Variants in NRG3 observed in about 807,000 individuals in gnomAD.
NRG3 encodes the protein pro-neuregulin-3, membrane-bound isoform.
Under a neutral mutation model 66.9 loss-of-function variants are expected in NRG3, and 31 were observed. That is an observed-to-expected ratio of 0.46 (90% CI 0.35 to 0.63). NRG3 has a LOEUF of 0.63. NRG3 is among the 20% of genes least tolerant of loss of function. The pLI is 0.00. For synonymous variants in NRG3, 393 were observed against 359.4 expected (o/e 1.09, Z -1.06); for missense variants, 910 against 878.9 (o/e 1.04, Z -0.45).
At chr10:82,721,792 C>T (rs900450052) in intron 2 of NRG3, among the ~76,000 whole-genome samples, 43 of 152,222 alleles carry the variant, frequency 2.8e-4, no homozygotes, top group African/African-American at 9.9e-4. Flanking sequence ...CCCTACGTTG[C>T]CTTCTGTAGC....
chr10:82,461,258 A>T (rs2091499713), intron 2 of NRG3, among the ~76,000 whole-genome samples: 1 of 151,800 alleles, frequency 6.6e-6, no homozygotes, highest in South Asian at 2.1e-4. Flanking sequence ...TGCCACCACC[A>T]CCATCGACAC....
At chr10:82,748,003 G>T (rs1047021423) in intron 3 of NRG3, among the ~76,000 whole-genome samples, 10 of 151,044 alleles carry the variant, frequency 6.6e-5, no homozygotes, top group Admixed American at 4.6e-4. Flanking sequence ...TTTTCCAACA[G>T]AATTTATTCA....
intron 2 of NRG3, among the ~76,000 whole-genome samples, chr10:82,425,638 T>C (rs1314065962): frequency 6.6e-6 from 1 of 152,168 alleles, no homozygotes; most frequent in East Asian, 1.9e-4. Flanking sequence ...GACTTGTAAT[T>C]ATTTTGTTGA....
At chr10:82,711,014 C>T (rs1489489221) in intron 2 of NRG3, among the ~76,000 whole-genome samples, 1 of 152,146 alleles carries the variant, frequency 6.6e-6, no homozygotes, top group Non-Finnish European at 1.5e-5. Context: ...TCAATTGATC[C>T]TCTTGCCTCA....
intron 1 of NRG3, among the ~76,000 whole-genome samples, chr10:81,978,494 T>C (rs1007088412): frequency 2.6e-5 from 4 of 152,138 alleles, no homozygotes; most frequent in Non-Finnish European, 5.9e-5. Flanking sequence ...GGGCAAATTT[T>C]TTTTTCTGAA....
intron 1 of NRG3, among the ~76,000 whole-genome samples, chr10:82,346,025 T>G (rs1339158889): frequency 6.6e-6 from 1 of 151,350 alleles, no homozygotes; most frequent in African/African-American, 2.4e-5. Context: ...GACAATTTGA[T>G]TTCCTCTTTT....
intron 1 of NRG3, among the ~76,000 whole-genome samples, chr10:81,910,944 A>G (rs1442581319): frequency 6.6e-6 from 1 of 152,196 alleles, no homozygotes; most frequent in Non-Finnish European, 1.5e-5. Flanking sequence ...GGTATGAGCC[A>G]CTGTGCCAGG....
intron 3 of NRG3, among the ~76,000 whole-genome samples, chr10:82,845,321 T>G (rs1022983419): frequency 6.6e-6 from 1 of 152,246 alleles, no homozygotes; most frequent in Non-Finnish European, 1.5e-5. Flanking sequence ...TTGACGAAGC[T>G]GCATCATTGC....
At chr10:82,281,772 C>T (rs1230156140) in intron 1 of NRG3, among the ~76,000 whole-genome samples, 1 of 152,068 alleles carries the variant, frequency 6.6e-6, no homozygotes, top group African/African-American at 2.4e-5. Flanking sequence ...TGGCAGCTAT[C>T]ATCTCATATT....
At chr10:82,776,610 T>G (rs547696426) in intron 3 of NRG3, among the ~76,000 whole-genome samples, 1 of 152,188 alleles carries the variant, frequency 6.6e-6, no homozygotes, top group African/African-American at 2.4e-5. Context: ...GACTTTCTTT[T>G]TCTTCACTCT....
chr10:82,811,579 T>C (rs1363992792), intron 3 of NRG3, among the ~76,000 whole-genome samples: 3 of 152,180 alleles, frequency 2.0e-5, no homozygotes, highest in African/African-American at 7.2e-5. Context: ...TAGGAACCAT[T>C]GGGAATACAC....
At chr10:82,460,385 A>G (rs1281234084) in intron 2 of NRG3, among the ~76,000 whole-genome samples, 1 of 152,242 alleles carries the variant, frequency 6.6e-6, no homozygotes, top group Non-Finnish European at 1.5e-5. Context: ...ATGACTTACA[A>G]ATCATGTCTA....
chr10:82,342,860 G>C (rs1049547657), intron 1 of NRG3, among the ~76,000 whole-genome samples: 2 of 152,018 alleles, frequency 1.3e-5, no homozygotes, highest in African/African-American at 4.8e-5. Context: ...GTTCAGTAAA[G>C]TTTTTCCTAG....
chr10:81,923,360 C>T (rs369955733), intron 1 of NRG3, among the ~76,000 whole-genome samples: 1,802 of 152,260 alleles, frequency 0.012, 39 homozygotes, highest in African/African-American at 0.038. Context: ...CGCCCGCCAC[C>T]GCGCCCGGCT....
intron 3 of NRG3, among the ~76,000 whole-genome samples, chr10:82,786,957 A>G (rs758567984): frequency 2.6e-5 from 4 of 152,078 alleles, no homozygotes; most frequent in Non-Finnish European, 5.9e-5. Flanking sequence ...CTCTCGCTGT[A>G]TGTGGGCCCC....
chr10:81,947,529 A>G (rs916612423), intron 1 of NRG3, among the ~76,000 whole-genome samples: 5 of 151,986 alleles, frequency 3.3e-5, no homozygotes, highest in African/African-American at 7.2e-5. Flanking sequence ...CCTTGATCCC[A>G]TTGCTCATAG....
chr10:82,284,934 C>T (rs1470159347), intron 1 of NRG3, among the ~76,000 whole-genome samples: 7 of 152,200 alleles, frequency 4.6e-5, no homozygotes, highest in East Asian at 1.9e-4. Flanking sequence ...AAAAACATTA[C>T]GTTTAAAATC....
intron 3 of NRG3, among the ~76,000 whole-genome samples, chr10:82,763,104 C>G (rs972280219): frequency 6.6e-6 from 1 of 152,166 alleles, no homozygotes; most frequent in Admixed American, 6.6e-5. Flanking sequence ...ACAGTGATTT[C>G]ATGAAAAGCA....
intron 1 of NRG3, among the ~76,000 whole-genome samples, chr10:82,004,546 TGCTGATGTTTTTGTCAACA>T (rs1452982902): frequency 1.3e-5 from 2 of 152,230 alleles, no homozygotes; most frequent in Non-Finnish European, 2.9e-5. Context: ...TGTGCGGCAG[TGCTGATGTTTTTGTCAACA>T]GCAATGATTT....
Sources: allele counts gnomAD v4.1 joint callset (sites outside exome capture counted in the v4.1 genomes callset), GRCh38; gene constraint gnomAD v4.1.1; transcripts MANE v1.5; gene names NCBI Gene and HGNC (gene_info 2026-07-23, HGNC 2026-07-21).